The following CYP2E1 variants were observed in gnomAD, a reference collection of about 807,000 sequenced individuals.
CYP2E1 encodes the protein cytochrome P450 2E1.
A neutral mutation model predicts 42.9 loss-of-function variants in CYP2E1; 31 were observed. The ratio of observed to expected loss-of-function variants is 0.72; its 90% CI spans 0.54 to 0.98. The LOEUF is 0.98. CYP2E1 is among the 50% of genes least tolerant of loss of function. The pLI is 0.00. For missense variants in CYP2E1, 565 were observed against 633.2 expected (o/e 0.89, Z 1.16); for synonymous variants, 244 against 248.9 (o/e 0.98, Z 0.19).
chr10:133,537,235 A>G lies in CYP2E1; in HGVS notation c.1140A>G (p.Gly380=), dbSNP rs567473242. 8.4e-5 allele frequency: 136 copies of G among 1,613,854 alleles called. 3 individuals are homozygous for G. In the South Asian group the frequency reaches 1.4e-3, roughly 17 times the overall value. Residue 380 remains glycine (G), a synonymous_variant, in exon 7 of 9, where the codon GGA becomes GGG. Transcript: ENST00000252945. ...CAACCCGAGACACCATTTTCAGAGGATACCTCATCCCCAAGGTTAAGCAAT... is the reference window on the plus strand; with the variant it reads ...CAACCCGAGACACCATTTTCAGAGGGTACCTCATCCCCAAGGTTAAGCAAT... ...HEATRDTIFR[G]YLIPKGTVVV...
Position 133,537,135 on chromosome 10 carries a change from TGCCCTAC to T in CYP2E1, c.1041_1047del (p.Met347IlefsTer41), listed in dbSNP as rs760975752. The T allele has an allele frequency of 1.8e-4, 288 of 1,613,956 alleles. No homozygotes were observed. The highest frequency in any genetic ancestry group is 2.2e-4 in the Non-Finnish European group (259 of 1,179,990). ...CCTGCCATCAAGGATAGGCAAGAGA[TGCCCTAC>T]ATGGATGCTGTGGTGCATGAGATTC... On this transcript the variant is annotated frameshift_variant, in exon 7 of 9. Coordinates refer to ENST00000252945, the MANE Select transcript of CYP2E1 (RefSeq NM_000773.4). LOFTEE classifies it high-confidence loss of function.
chr10:133,530,248 T>C (rs1403066126), intron 2 of CYP2E1, among the ~76,000 whole-genome samples: 1 of 152,214 alleles, frequency 6.6e-6, no homozygotes, highest in Non-Finnish European at 1.5e-5. Context: ...GGCTGTGTGA[T>C]AATGTGTCAA....
chr10:133,532,225 C>T lies in CYP2E1; in HGVS notation c.589C>T (p.Leu197=), dbSNP rs1385946077. 3 of 1,613,896 alleles carry T rather than the reference C, an allele frequency of 1.9e-6. No individual in the cohort carries two copies. The highest frequency in any genetic ancestry group is 2.5e-6 in the Non-Finnish European group (3 of 1,180,000). Residue 197 remains leucine, a synonymous_variant, in exon 4 of 9, where the codon CTA becomes TTA. Coordinates refer to ENST00000252945, the MANE Select transcript of CYP2E1 (RefSeq NM_000773.4). ...KHFDYNDEKF[L]RLMYLFNENF... is the part of the protein sequence containing the mutation. ...TTTTGACTACAATGATGAGAAGTTT[C>T]TAAGGCTGATGTATTTGTTTAATGA...
chr10:133,534,664 G>T (rs750468663), intron 6 of CYP2E1, among the ~76,000 whole-genome samples: 11 of 152,214 alleles, frequency 7.2e-5, no homozygotes, highest in African/African-American at 1.4e-4. Flanking sequence ...GCCCGAGGCA[G>T]TTCACAGCCT....
chr10:133,533,991 C>G (rs1564848888), intron 6 of CYP2E1, 94 bp downstream of exon 6: 1 of 1,369,730 alleles, frequency 7.3e-7, no homozygotes, highest in Non-Finnish European at 1.0e-6. Context: ...CTGTCTGAAG[C>G]TGCTTGTTAA....
rs543066971 is a variant in CYP2E1, at chr10:133,527,426, C to A, written c.31C>A (p.Leu11Met). Residue 11 changes from leucine (L) to methionine (M), a missense_variant, in exon 1 of 9, where the codon CTG becomes ATG. Physicochemically the swap from Leu to Met is conservative, Grantham distance 15. Transcript: ENST00000252945. The part of the protein sequence containing the change: MSALGVTVAL[L>M]VWAAFLLLVS... ...TGCCCTCGGAGTCACCGTGGCCCTG[C>A]TGGTGTGGGCGGCCTTCCTCCTGCT... 1.7e-5 allele frequency: 27 copies of A among 1,612,634 alleles called. 1 individual carries two copies. The South Asian group carries it at 2.6e-4, about 16-fold the overall frequency.
At chr10:133,530,061 C>T (rs1034178670) in intron 2 of CYP2E1, among the ~76,000 whole-genome samples, 2 of 152,096 alleles carry the variant, frequency 1.3e-5, no homozygotes, top group African/African-American at 4.8e-5. Flanking sequence ...TTCACATCAA[C>T]ACAGATGGGG....
rs74628577 is a variant in CYP2E1 at position 133,531,737 on chromosome 10, G to A, written c.487+3G>A. The A allele has an allele frequency of 1.3e-6, 2 of 1,584,654 alleles. No individual in the cohort carries two copies. The highest frequency in any genetic ancestry group is 1.7e-5 in the Admixed American group (1 of 57,308). On this transcript the variant is annotated splice_donor_region_variant and intron_variant, in intron 3 of 8. Transcript: ENST00000252945. The stretch of plus-strand genomic sequence containing the variant: ...GGAAGCACTCAGGAAGACCCAAGGT[G>A]CGTATCTGCTGCCTAGCAGGGCCCA...
chr10:133,537,157 G>A lies in CYP2E1; in HGVS notation c.1062G>A (p.Val354=), dbSNP rs771346668. 3.1e-6 allele frequency: 5 copies of A among 1,614,124 alleles called. No homozygotes were observed. Among genetic ancestry groups the A allele is most frequent in the South Asian group, 2.2e-5 (2 of 91,074 alleles). Residue 354 remains valine, a synonymous_variant, in exon 7 of 9, where the codon GTG becomes GTA. Coordinates refer to ENST00000252945, the MANE Select transcript of CYP2E1 (RefSeq NM_000773.4). ...AGATGCCCTACATGGATGCTGTGGTGCATGAGATTCAGCGGTTCATCACCC... is the reference window on the plus strand; with the variant it reads ...AGATGCCCTACATGGATGCTGTGGTACATGAGATTCAGCGGTTCATCACCC... ...RQEMPYMDAV[V]HEIQRFITLV...
intron 5 of CYP2E1, among the ~76,000 whole-genome samples, chr10:133,533,114 C>T (rs999764086): frequency 3.9e-5 from 6 of 152,204 alleles, no homozygotes; most frequent in Non-Finnish European, 7.3e-5. Flanking sequence ...GGCCCTGCTG[C>T]TCAACCCTTT....
At chr10:133,528,216 G>GAGTCC (rs1358715566) in intron 1 of CYP2E1, 6 of 393,824 alleles carry the variant, frequency 1.5e-5, no homozygotes. Context: ...TGAGGAGCCG[G>GAGTCC]AGTCCGCGGA....
chr10:133,528,626 C>G lies in CYP2E1; in HGVS notation c.323C>G (p.Ala108Gly). 1 of 1,613,256 alleles carries G rather than the reference C, an allele frequency of 6.2e-7. No individual in the cohort carries two copies. The highest frequency in any genetic ancestry group is 8.5e-7 in the Non-Finnish European group (1 of 1,179,970). Reference protein sequence around the residue: ...SGRGDLPAFHAHRDRGIIFNN... With the variant: ...SGRGDLPAFHGHRDRGIIFNN... ...AGAGGCGACCTCCCCGCGTTCCATG[C>G]GCACAGGGACAGGGGTGAGTCCGCG... is the stretch of plus-strand genomic sequence containing the variant. The change falls in exon 2 of 9, where the codon GCG (alanine) becomes GGG (glycine). Residue 108 changes from alanine (A) to glycine (G), a missense_variant. By Grantham distance (60) the Ala-to-Gly change is moderately conservative. Coordinates refer to ENST00000252945, the MANE Select transcript of CYP2E1 (RefSeq NM_000773.4).
In CYP2E1 at chr10:133,532,822, A is replaced by G. The variant is rs748268978; in HGVS notation, c.779A>G (p.Asn260Ser). Reference sequence around the variant, plus strand: ...GAGCACCATCAATCTCTGGACCCCAACTGTCCCCGGGACCTCACCGACTGC... The same window carrying G: ...GAGCACCATCAATCTCTGGACCCCAGCTGTCCCCGGGACCTCACCGACTGC... ...VKEHHQSLDPNCPRDLTDCLL... is the reference protein window; with the variant it reads ...VKEHHQSLDPSCPRDLTDCLL... The change falls in exon 5 of 9, where the codon AAC (asparagine) becomes AGC (serine). Residue 260 changes from asparagine to serine, a missense_variant. Coordinates refer to ENST00000252945, the MANE Select transcript of CYP2E1 (RefSeq NM_000773.4). 4.3e-5 allele frequency: 69 copies of G among 1,612,908 alleles called. No individual in the cohort carries two copies. Among genetic ancestry groups the G allele is most frequent in the African/African-American group, 9.4e-5 (7 of 74,846 alleles).
Position 133,532,153 on chromosome 10 carries a change from G to T in CYP2E1, c.517G>T (p.Gly173Cys), listed in dbSNP as rs60452492. Residue 173 changes from glycine to cysteine, a missense_variant, in exon 4 of 9, where the codon GGC (glycine) becomes TGC (cysteine). Gly to Cys is a radical substitution (Grantham distance 159, BLOSUM62 -3). Coordinates refer to ENST00000252945, the MANE Select transcript of CYP2E1 (RefSeq NM_000773.4). Reference protein sequence around the residue: ...GQPFDPTFLIGCAPCNVIADI... With the variant: ...GQPFDPTFLICCAPCNVIADI... ...GCCTTTCGACCCCACCTTCCTCATC[G>T]GCTGCGCGCCCTGCAACGTCATAGC... 32 of 1,613,594 alleles carry T rather than the reference G, an allele frequency of 2.0e-5. No individual in the cohort carries two copies. Among genetic ancestry groups the T allele is most frequent in the Non-Finnish European group, 2.7e-5 (32 of 1,179,920 alleles).
Position 133,533,800 on chromosome 10 carries a change from C to T in CYP2E1, c.870C>T (p.Thr290=), listed in dbSNP as rs149170969. ...GCTTGTACACAATGGACGGTATCAC[C>T]GTGACTGTGGCCGACCTGTTCTTTG... ...AERLYTMDGI[T]VTVADLFFAG... The change falls in exon 6 of 9, where the codon ACC becomes ACT. Residue 290 remains threonine (T), a synonymous_variant. Coordinates refer to ENST00000252945, the MANE Select transcript of CYP2E1 (RefSeq NM_000773.4). The T allele has an allele frequency of 8.7e-6, 14 of 1,614,088 alleles. No individual in the cohort carries two copies. The highest frequency in any genetic ancestry group is 3.3e-5 in the Admixed American group (2 of 60,012).
Position 133,531,703 on chromosome 10 carries a change from C to A in CYP2E1, c.456C>A (p.His152Gln), listed in dbSNP as rs779148806. The change falls in exon 3 of 9, where the codon CAC becomes CAA. Residue 152 changes from histidine (H) to glutamine (Q), a missense_variant. Transcript: ENST00000252945. ...AGAGCCGGATCCAGAGGGAGGCCCA[C>A]TTCCTGCTGGAAGCACTCAGGAAGA... ...GNESRIQREAHFLLEALRKTQ... is the reference protein window; with the variant it reads ...GNESRIQREAQFLLEALRKTQ... 6.2e-7 allele frequency: 1 copy of A among 1,608,460 alleles called. No homozygotes were observed. The highest frequency in any genetic ancestry group is 8.5e-7 in the Non-Finnish European group (1 of 1,177,236).
intron 5 of CYP2E1, 141 bp from the exon 6 acceptor site, chr10:133,533,615 T>C (rs1337666829): frequency 2.1e-6 from 2 of 967,166 alleles, no homozygotes; most frequent in Non-Finnish European, 3.1e-6. Flanking sequence ...ACTCTGTCTG[T>C]CACAGCTCCA....
intron 2 of CYP2E1, among the ~76,000 whole-genome samples, chr10:133,529,377 G>T (rs1277280663): frequency 1.3e-5 from 2 of 152,196 alleles, no homozygotes; most frequent in Non-Finnish European, 2.9e-5. Context: ...TCCTCTTCCT[G>T]CCTGCAGACC....
rs753186824 is a variant in CYP2E1 at position 133,537,141 on chromosome 10, A to G, written c.1046A>G (p.Tyr349Cys). 33 of 1,613,398 alleles carry G rather than the reference A, an allele frequency of 2.0e-5. No homozygotes were observed. The Admixed American group carries it at 2.7e-4, about 13-fold the overall frequency. The change falls in exon 7 of 9, where the codon TAC becomes TGC. Residue 349 changes from tyrosine (Y) to cysteine (C), a missense_variant. Physicochemically the swap from Tyr to Cys is radical, Grantham distance 194 (BLOSUM62 -2). Transcript: ENST00000252945. ...PAIKDRQEMP[Y>C]MDAVVHEIQR... is the part of the protein sequence containing the mutation. ...ATCAAGGATAGGCAAGAGATGCCCT[A>G]CATGGATGCTGTGGTGCATGAGATT... is the stretch of plus-strand genomic sequence containing the variant.
Sources: allele counts gnomAD v4.1 joint callset (sites outside exome capture counted in the v4.1 genomes callset), GRCh38; gene constraint gnomAD v4.1.1; transcripts MANE v1.5; gene names NCBI Gene and HGNC (gene_info 2026-07-23, HGNC 2026-07-21).